ZNF358: variants seen among roughly 807,000 people sequenced by gnomAD.
The protein encoded by ZNF358 is zinc finger protein 358.
In ZNF358, 1 loss-of-function variant was observed where a neutral mutation model predicts 2.1. That is an observed-to-expected ratio of 0.49 (90% confidence interval 0.17 to 2.30). The LOEUF (loss-of-function observed/expected upper bound fraction) is 2.30. Ranked by LOEUF, ZNF358 falls within the 30% of genes most tolerant of loss-of-function variation. The probability of loss-of-function intolerance (pLI) is 0.26; values close to 1 mark genes in which losing one functional copy is unlikely to be tolerated. For synonymous variants in ZNF358, 381 were observed against 359.7 expected (o/e 1.06, Z -0.67); for missense variants, 665 against 806.8 (o/e 0.82, Z 2.13).
intron 1 of ZNF358, 81 bp from the exon 2 acceptor site, chr19:7,519,124 T>A: frequency 7.7e-7 from 1 of 1,294,122 alleles, no homozygotes; most frequent in Non-Finnish European, 1.0e-6. Context: ...GTCCCGTCTC[T>A]CATCCCTAAC....
intron 1 of ZNF358, among the ~76,000 whole-genome samples, chr19:7,517,643 C>T (rs1347249011): frequency 6.6e-6 from 1 of 152,072 alleles, no homozygotes; most frequent in Non-Finnish European, 1.5e-5. Flanking sequence ...CCCTACCCAT[C>T]CCTCCTCACC....
intron 1 of ZNF358, among the ~76,000 whole-genome samples, chr19:7,518,135 T>C (rs769221951): frequency 6.6e-6 from 1 of 152,158 alleles, no homozygotes; most frequent in African/African-American, 2.4e-5. Flanking sequence ...TGCAGAGCCA[T>C]GGAGTTGGGG....
Position 7,519,292 on chromosome 19 carries a change from C to T in ZNF358, c.50C>T (p.Pro17Leu). 6.2e-7 allele frequency: 1 copy of T among 1,614,040 alleles called. No homozygotes were observed. The highest frequency in any genetic ancestry group is 8.5e-7 in the Non-Finnish European group (1 of 1,180,014). ...VRNPGHKGLR[P>L]VYEELDSDSE... ...AACCCAGGCCACAAAGGCCTGAGAC[C>T]CGTTTATGAAGAGCTCGACTCTGAC... Residue 17 changes from proline (P) to leucine (L), a missense_variant, in exon 2 of 2, where the codon CCC becomes CTC. Physicochemically the swap from Pro to Leu is moderately conservative, Grantham distance 98. Coordinates refer to ENST00000597229, the MANE Select transcript of ZNF358 (RefSeq NM_018083.5).
rs376630934 is a variant in ZNF358 at position 7,520,956 on chromosome 19, C to A, written c.*7C>A. ...GCTGGGGCCTGATGGCTGAAGGAGACGCCGGCATCCTCGGGGGCCTGGGGA... is the reference window on the plus strand; with the variant it reads ...GCTGGGGCCTGATGGCTGAAGGAGAAGCCGGCATCCTCGGGGGCCTGGGGA... On this transcript the variant is annotated 3_prime_UTR_variant, in exon 2 of 2. Transcript: ENST00000597229. This position sits in a 1 kb window ranked among gnomAD's most constrained non-coding sequence, Gnocchi z 6.0. 6.6e-5 allele frequency: 106 copies of A among 1,610,026 alleles called. No individual in the cohort carries two copies. Among genetic ancestry groups the A allele is most frequent in the Non-Finnish European group, 8.7e-5 (103 of 1,177,412 alleles).
At position 7,519,415 on chromosome 19, in the gene ZNF358, A is replaced by G. The variant is rs774293687; in HGVS notation, c.173A>G (p.Asp58Gly). 6 of 1,613,528 alleles carry G rather than the reference A, an allele frequency of 3.7e-6. No individual in the cohort carries two copies. In the South Asian group the frequency reaches 6.6e-5, roughly 18 times the overall value. Reference sequence around the variant, plus strand: ...CTCAACACTGTCCCGGAAGACGTGGACCCCAGCTATGAAGATCTGGAGCCC... The same window carrying G: ...CTCAACACTGTCCCGGAAGACGTGGGCCCCAGCTATGAAGATCTGGAGCCC... Reference protein sequence around the residue: ...EDLNTVPEDVDPSYEDLEPVS... With the variant: ...EDLNTVPEDVGPSYEDLEPVS... The change falls in exon 2 of 2, where the codon GAC becomes GGC. Residue 58 changes from aspartate (D) to glycine (G), a missense_variant. Physicochemically the swap from Asp to Gly is moderately conservative, Grantham distance 94. This residue lies in a region of ZNF358 where 206 missense variants were observed against 228.4 expected (regional missense o/e 0.90). Coordinates refer to ENST00000597229, the MANE Select transcript of ZNF358 (RefSeq NM_018083.5).
At chr19:7,514,614 C>T (rs1331255637), upstream of ZNF358, among the ~76,000 whole-genome samples, 3 of 152,124 alleles carry the variant, frequency 2.0e-5, no homozygotes, top group South Asian at 2.1e-4. Context: ...TGGGCTTGTA[C>T]TTGGTGGTTT....
In ZNF358 at chr19:7,520,761, G is replaced by A; in HGVS notation, c.1519G>A (p.Val507Met). The change falls in exon 2 of 2, where the codon GTG becomes ATG. Residue 507 changes from valine (V) to methionine (M), a missense_variant. This residue lies in a region of ZNF358 where 249 missense variants were observed against 227.6 expected (regional missense o/e 1.09). Coordinates refer to ENST00000597229, the MANE Select transcript of ZNF358 (RefSeq NM_018083.5). This position sits in a 1 kb window ranked among gnomAD's most constrained non-coding sequence, Gnocchi z 6.0. ...TGGGCACGACGCTGGTCCCGACCTTGTGCCCAGCCCAGACCTTGATCCTGT... is the reference window on the plus strand; with the variant it reads ...TGGGCACGACGCTGGTCCCGACCTTATGCCCAGCCCAGACCTTGATCCTGT... Reference protein sequence around the residue: ...KAGHDAGPDLVPSPDLDPVPS... With the variant: ...KAGHDAGPDLMPSPDLDPVPS... The A allele has an allele frequency of 6.2e-7, 1 of 1,613,904 alleles. No individual in the cohort carries two copies. The highest frequency in any genetic ancestry group is 8.5e-7 in the Non-Finnish European group (1 of 1,179,932).
At chr19:7,518,598 A>AGAAT (rs3029888) in intron 1 of ZNF358, among the ~76,000 whole-genome samples, 5,174 of 141,868 alleles carry the variant, frequency 0.036, 123 homozygotes, top group Middle Eastern at 0.073. Context: ...AAAGAAAGAA[A>AGAAT]GAATTGAAGT....
Position 7,520,539 on chromosome 19 carries a change from G to C in ZNF358, c.1297G>C (p.Gly433Arg), listed in dbSNP as rs2022459081. The C allele has an allele frequency of 7.9e-7, 1 of 1,258,442 alleles. No individual in the cohort carries two copies. The highest frequency in any genetic ancestry group is 1.1e-6 in the Non-Finnish European group (1 of 880,880). 78.0% of individuals were successfully genotyped at this position (1,258,442 alleles called of 1,614,324 possible). Residue 433 changes from glycine (G) to arginine (R), a missense_variant, in exon 2 of 2, where the codon GGG becomes CGG. By Grantham distance (125) the Gly-to-Arg change is moderately radical. Transcript: ENST00000597229. This position sits in a 1 kb window ranked among gnomAD's most constrained non-coding sequence, Gnocchi z 6.0. ...AAGCCCTGCATCCATGATGAGGCCG[G>C]GGCAGGTCTCCCTCCTGGGTCCTGA... ...GLSPASMMRP[G>R]QVSLLGPDAV...
In ZNF358 at chr19:7,520,471, C is replaced by A; in HGVS notation, c.1229C>A (p.Ala410Glu). The change falls in exon 2 of 2, where the codon GCA becomes GAA. Residue 410 changes from alanine to glutamate, a missense_variant. Ala to Glu is a moderately radical substitution (Grantham distance 107). This residue lies in a region of ZNF358 where 249 missense variants were observed against 227.6 expected (regional missense o/e 1.09). Transcript: ENST00000597229. The surrounding 1 kb of genome is among the most constrained non-coding windows in gnomAD (Gnocchi z 6.0). ...AAAAAAAAAA[A>E]AAAAAAGLGL... The stretch of plus-strand genomic sequence containing the variant: ...GCTGCTGCAGCTGCCGCGGCCGCTG[C>A]AGCTGCAGCAGCGGCCGCCGGCCTG... 4 of 1,234,614 alleles carry A rather than the reference C, an allele frequency of 3.2e-6. No homozygotes were observed. Among genetic ancestry groups the A allele is most frequent in the Non-Finnish European group, 4.4e-6 (4 of 916,178 alleles). The allele number at this position is 1,234,614 out of a possible 1,614,324, so 76.5% of individuals were successfully genotyped here. A position where few individuals can be genotyped will look rare whatever the true frequency, so the allele number is the denominator to read the frequency against.
At chr19:7,519,180 C>G (rs987748816) in intron 1 of ZNF358, 25 bp from the exon 2 acceptor site, 49 of 1,561,634 alleles carry the variant, frequency 3.1e-5, no homozygotes, top group Non-Finnish European at 4.1e-5. Context: ...CACCTACCCT[C>G]TACCCTCTAT....
intron 1 of ZNF358, among the ~76,000 whole-genome samples, chr19:7,517,328 T>G (rs1453424861): frequency 2.0e-5 from 3 of 152,148 alleles, no homozygotes; most frequent in Admixed American, 6.5e-5. Flanking sequence ...TGGGAGGAGA[T>G]GACTCAGGCG....
Position 7,520,541 on chromosome 19 carries a change from G to T in ZNF358, c.1299G>T (p.Gly433=). 2 of 1,253,170 alleles carry T rather than the reference G, an allele frequency of 1.6e-6. No individual in the cohort carries two copies. The highest frequency in any genetic ancestry group is 2.3e-6 in the Non-Finnish European group (2 of 875,858). The allele number at this position is 1,253,170 out of a possible 1,614,324, so 77.6% of individuals were successfully genotyped here. A position where few individuals can be genotyped will look rare whatever the true frequency, so the allele number is the denominator to read the frequency against. The change falls in exon 2 of 2, where the codon GGG becomes GGT. Residue 433 remains glycine, a synonymous_variant. Coordinates refer to ENST00000597229, the MANE Select transcript of ZNF358 (RefSeq NM_018083.5). This position sits in a 1 kb window ranked among gnomAD's most constrained non-coding sequence, Gnocchi z 6.0. ...GLSPASMMRP[G]QVSLLGPDAV... ...GCCCTGCATCCATGATGAGGCCGGG[G>T]CAGGTCTCCCTCCTGGGTCCTGATG...
Position 7,520,699 on chromosome 19 carries a change from C to A in ZNF358, c.1457C>A (p.Pro486His), listed in dbSNP as rs781155547. 1.9e-6 allele frequency: 3 copies of A among 1,613,822 alleles called. No individual in the cohort carries two copies. The highest frequency in any genetic ancestry group is 3.3e-5 in the Admixed American group (2 of 60,004). ...CCCCTCCCCGGCTCCAGATCCACCC[C>A]CAGCCCTACTCCTGTGGAATCTTCT... Reference protein sequence around the residue: ...SKPLPGSRSTPSPTPVESSDP... With the variant: ...SKPLPGSRSTHSPTPVESSDP... The change falls in exon 2 of 2, where the codon CCC becomes CAC. Residue 486 changes from proline to histidine, a missense_variant. Pro to His is a moderately conservative substitution (Grantham distance 77). Around this residue, in one of 3 missense-constraint regions of ZNF358, gnomAD observed 249 missense variants for 227.6 expected, o/e 1.09. Coordinates refer to ENST00000597229, the MANE Select transcript of ZNF358 (RefSeq NM_018083.5). This position sits in a 1 kb window ranked among gnomAD's most constrained non-coding sequence, Gnocchi z 6.0.
chr19:7,519,321 G>A lies in ZNF358; in HGVS notation c.79G>A (p.Glu27Lys). The A allele has an allele frequency of 1.2e-6, 2 of 1,613,994 alleles. No homozygotes were observed. The highest frequency in any genetic ancestry group is 1.7e-6 in the Non-Finnish European group (2 of 1,180,010). Residue 27 changes from glutamate (E) to lysine (K), a missense_variant, in exon 2 of 2, where the codon GAG becomes AAG. By Grantham distance (56) the Glu-to-Lys change is moderately conservative. Transcript: ENST00000597229. ...TTATGAAGAGCTCGACTCTGACTCC[G>A]AGGACCTAGACCCCAATCCTGAAGA... is the stretch of plus-strand genomic sequence containing the variant. Reference protein sequence around the residue: ...PVYEELDSDSEDLDPNPEDLD... With the variant: ...PVYEELDSDSKDLDPNPEDLD...
intron 1 of ZNF358, among the ~76,000 whole-genome samples, chr19:7,518,052 G>T (rs749776354): frequency 2.6e-5 from 4 of 152,208 alleles, no homozygotes; most frequent in African/African-American, 4.8e-5. Context: ...GCCCAGCAAG[G>T]GGGTAGGAAG....
chr19:7,520,223 C>A lies in ZNF358; in HGVS notation c.981C>A (p.Ala327=), dbSNP rs754010867. 7 of 1,606,544 alleles carry A rather than the reference C, an allele frequency of 4.4e-6. No homozygotes were observed. In the South Asian group the frequency reaches 7.7e-5, roughly 18 times the overall value. The change falls in exon 2 of 2, where the codon GCC becomes GCA. Residue 327 remains alanine, a synonymous_variant. Transcript: ENST00000597229. The surrounding 1 kb of genome is among the most constrained non-coding windows in gnomAD (Gnocchi z 6.0). The part of the protein sequence containing the change: ...RPYRCPHCGK[A]FGQSSNLQHH... ...ACCGCTGCCCCCACTGCGGCAAAGC[C>A]TTCGGGCAGAGCTCCAACTTGCAAC...
In ZNF358 at chr19:7,520,531, T is replaced by A; in HGVS notation, c.1289T>A (p.Met430Lys). The change falls in exon 2 of 2, where the codon ATG becomes AAG. Residue 430 changes from methionine (M) to lysine (K), a missense_variant. Coordinates refer to ENST00000597229, the MANE Select transcript of ZNF358 (RefSeq NM_018083.5). The surrounding 1 kb of genome is among the most constrained non-coding windows in gnomAD (Gnocchi z 6.0). ...CCTGGCCTAAGCCCTGCATCCATGATGAGGCCGGGGCAGGTCTCCCTCCTG... is the reference window on the plus strand; with the variant it reads ...CCTGGCCTAAGCCCTGCATCCATGAAGAGGCCGGGGCAGGTCTCCCTCCTG... The part of the protein sequence containing the change: ...LGPGLSPASM[M>K]RPGQVSLLGP... 7.9e-7 allele frequency: 1 copy of A among 1,262,388 alleles called. No homozygotes were observed. The highest frequency in any genetic ancestry group is 2.0e-4 in the Middle Eastern group (1 of 5,082). The allele number at this position is 1,262,388 out of a possible 1,614,324, so 78.2% of individuals were successfully genotyped here.
At position 7,519,574 on chromosome 19, in the gene ZNF358, A is replaced by G. The variant is rs755947394; in HGVS notation, c.332A>G (p.Asp111Gly). 1 of 1,600,864 alleles carries G rather than the reference A, an allele frequency of 6.2e-7. No homozygotes were observed. The highest frequency in any genetic ancestry group is 8.5e-7 in the Non-Finnish European group (1 of 1,179,880). Residue 111 changes from aspartate (D) to glycine (G), a missense_variant, in exon 2 of 2, where the codon GAC becomes GGC. By Grantham distance (94) the Asp-to-Gly change is moderately conservative (BLOSUM62 -1). Coordinates refer to ENST00000597229, the MANE Select transcript of ZNF358 (RefSeq NM_018083.5). Reference protein sequence around the residue: ...PVPLILDPNSDTLSPGDPKVD... With the variant: ...PVPLILDPNSGTLSPGDPKVD... ...CCCCTGATTCTCGATCCTAACAGCG[A>G]CACCCTCAGCCCCGGCGATCCAAAA...
Sources: allele counts gnomAD v4.1 joint callset (sites outside exome capture counted in the v4.1 genomes callset), GRCh38; gene constraint gnomAD v4.1.1; regional missense constraint gnomAD v4.1.1; non-coding constraint Gnocchi (gnomAD v3.1); transcripts MANE v1.5; gene names NCBI Gene and HGNC (gene_info 2026-07-23, HGNC 2026-07-21).